GNB4: variants seen among roughly 807,000 people sequenced by gnomAD.
The protein encoded by GNB4 is G protein subunit beta 4.
GNB4 carries 28 observed loss-of-function variants against 45.2 expected under a neutral mutation model. The ratio of observed to expected loss-of-function variants is 0.62; its 90% CI spans 0.46 to 0.85. GNB4 has a LOEUF of 0.85. GNB4 is among the 40% of genes least tolerant of loss of function. The pLI is 0.00. For synonymous variants in GNB4, 132 were observed against 143.7 expected, an observed-to-expected ratio of 0.92 and a Z score of 0.58; for missense variants, 321 against 425.4, an observed-to-expected ratio of 0.75 and a Z score of 2.16.
At chr3:179,479,286 C>T in the GNB4 span, among the ~76,000 whole-genome samples, 10 of 152,268 alleles carry the variant, frequency 6.6e-5, no homozygotes, top group South Asian at 1.9e-3. Context: ...TCTATACAAT[C>T]CTTGGTGCCC....
the GNB4 span, among the ~76,000 whole-genome samples, chr3:179,458,664 T>C: frequency 6.6e-6 from 1 of 152,322 alleles, no homozygotes; most frequent in Admixed American, 6.5e-5. Context: ...TTAAATCATC[T>C]CTAAATTACT....
the GNB4 span, chr3:179,464,527 T>A: frequency 3.4e-5 from 55 of 1,610,682 alleles, no homozygotes; most frequent in African/African-American, 6.4e-4. Flanking sequence ...GAAGAGTGGG[T>A]GGCCTCAGGC....
chr3:179,442,997 G>A (rs1715630045), intron 1 of GNB4, among the ~76,000 whole-genome samples: 1 of 151,956 alleles, frequency 6.6e-6, no homozygotes, highest in Non-Finnish European at 1.5e-5. Flanking sequence ...AAATTTACCA[G>A]ACTTGGTTAT....
chr3:179,482,750 G>T, the GNB4 span, among the ~76,000 whole-genome samples: 21 of 152,110 alleles, frequency 1.4e-4, no homozygotes, highest in Middle Eastern at 3.2e-3. Context: ...TTATTCCAAG[G>T]CTTTTCATGA....
chr3:179,429,260 C>T (rs2108606482), intron 1 of GNB4, among the ~76,000 whole-genome samples: 1 of 152,334 alleles, frequency 6.6e-6, no homozygotes, highest in East Asian at 1.9e-4. Context: ...AGCTCAGTGT[C>T]TCTAGGCTGT....
chr3:179,451,079 G>A (rs1392178349), intron 1 of GNB4: 2 of 152,166 alleles, frequency 1.3e-5, no homozygotes, highest in East Asian at 1.9e-4. Context: ...TCCCCGGGGC[G>A]AGCGGTCTGG....
At position 179,396,186 on chromosome 3, in the gene GNB4, AAGAAC is replaced by A. The variant is rs1266927784; in HGVS notation, c.*5022_*5026del. The A allele has an allele frequency of 6.6e-6, 1 of 152,242 alleles. No homozygotes were observed. The highest frequency in any genetic ancestry group is 1.5e-5 in the Non-Finnish European group (1 of 68,036). 9.4% of individuals were successfully genotyped at this position (152,242 alleles called of 1,614,324 possible). On this transcript the variant is annotated 3_prime_UTR_variant, in exon 10 of 10. Coordinates refer to ENST00000232564, the MANE Select transcript of GNB4 (RefSeq NM_021629.4). ...ATGAATCACTGTGTAAGAAAGATCT[AAGAAC>A]AGTTAAATCATGATACAAGTCCATA...
chr3:179,448,777 G>T (rs1715800154), intron 1 of GNB4, among the ~76,000 whole-genome samples: 1 of 152,150 alleles, frequency 6.6e-6, no homozygotes, highest in Non-Finnish European at 1.5e-5. Context: ...TCCTCAAGGT[G>T]AGGTAGAGAA....
At chr3:179,484,199 G>C in the GNB4 span, among the ~76,000 whole-genome samples, 4 of 152,190 alleles carry the variant, frequency 2.6e-5, no homozygotes, top group African/African-American at 9.7e-5. Flanking sequence ...AACCAGTTCA[G>C]AGTAGTTGAG....
At chr3:179,508,536 G>A in the GNB4 span, among the ~76,000 whole-genome samples, 1 of 152,122 alleles carries the variant, frequency 6.6e-6, no homozygotes, top group Non-Finnish European at 1.5e-5. Flanking sequence ...AAATGCAGAT[G>A]GAAGTTATTC....
chr3:179,418,054 C>T (rs984977519), intron 4 of GNB4, among the ~76,000 whole-genome samples: 12 of 152,108 alleles, frequency 7.9e-5, no homozygotes, highest in Non-Finnish European at 1.0e-4. Flanking sequence ...TAACAGTCTT[C>T]AGAAAACGTT....
At chr3:179,430,079 C>G (rs201550565) in intron 1 of GNB4, among the ~76,000 whole-genome samples, 4 of 44,290 alleles carry the variant, frequency 9.0e-5, no homozygotes, top group Admixed American at 2.8e-4. Context: ...GAGAGACAGA[C>G]AGACAGACAG....
At position 179,400,091 on chromosome 3, in the gene GNB4, G is replaced by A. The variant is rs532786364; in HGVS notation, c.*1122C>T. 1 of 152,290 alleles carries A rather than the reference G, an allele frequency of 6.6e-6. No homozygotes were observed. Among genetic ancestry groups the A allele is most frequent in the African/African-American group, 2.4e-5 (1 of 41,562 alleles). The allele number at this position is 152,290 out of a possible 1,614,324, so 9.4% of individuals were successfully genotyped here. On this transcript the variant is annotated 3_prime_UTR_variant, in exon 10 of 10. Coordinates refer to ENST00000232564, the MANE Select transcript of GNB4 (RefSeq NM_021629.4). Reference sequence around the variant, plus strand: ...TTAGAAACCAGTATTTTGTGCTAAGGAAGGGAAGAAATACTACAAAATGTT... The same window carrying A: ...TTAGAAACCAGTATTTTGTGCTAAGAAAGGGAAGAAATACTACAAAATGTT...
chr3:179,513,919 T>C, the GNB4 span, among the ~76,000 whole-genome samples: 1 of 152,218 alleles, frequency 6.6e-6, no homozygotes, highest in African/African-American at 2.4e-5. Context: ...TGCTTATCCT[T>C]CCTGATCCCT....
At chr3:179,478,919 T>A in the GNB4 span, among the ~76,000 whole-genome samples, 1 of 152,182 alleles carries the variant, frequency 6.6e-6, no homozygotes, top group Non-Finnish European at 1.5e-5. Context: ...CTCTCTCTTC[T>A]TCCAGCTCCA....
the GNB4 span, among the ~76,000 whole-genome samples, chr3:179,520,359 C>A: frequency 5.3e-5 from 8 of 152,244 alleles, no homozygotes; most frequent in South Asian, 1.5e-3. Flanking sequence ...AAACCCCAAT[C>A]CCTTCTACAA....
chr3:179,498,820 G>T, the GNB4 span, among the ~76,000 whole-genome samples: 2 of 147,496 alleles, frequency 1.4e-5, no homozygotes, highest in African/African-American at 5.0e-5. Context: ...AGAACGTGCA[G>T]GTTTGTTACA....
chr3:179,499,248 C>G, the GNB4 span, among the ~76,000 whole-genome samples: 16 of 151,060 alleles, frequency 1.1e-4, no homozygotes, highest in African/African-American at 3.7e-4. Flanking sequence ...AGCTCCGCCT[C>G]CCAGGTTCAC....
chr3:179,420,818 A>T (rs1714957846), intron 3 of GNB4, 71 bp downstream of exon 3: 1 of 913,722 alleles, frequency 1.1e-6, no homozygotes, highest in South Asian at 1.4e-5. Flanking sequence ...CAAGAATCTG[A>T]ATGTCATTTG....
Sources: allele counts gnomAD v4.1 joint callset (sites outside exome capture counted in the v4.1 genomes callset), GRCh38; gene constraint gnomAD v4.1.1; transcripts MANE v1.5; gene names NCBI Gene and HGNC (gene_info 2026-07-23, HGNC 2026-07-21).